Variants in SYNE2 observed in about 807,000 individuals in gnomAD.
The protein encoded by SYNE2 is nesprin-2.
In SYNE2, 431 loss-of-function variants were observed where a neutral mutation model predicts 856.3. The ratio of observed to expected loss-of-function variants is 0.50; its 90% CI spans 0.47 to 0.55. SYNE2 has a LOEUF of 0.55. SYNE2 is among the 20% of genes least tolerant of loss of function. The pLI is 0.00. For synonymous variants in SYNE2, 2,923 were observed against 2,872.3 expected, an observed-to-expected ratio of 1.02 and a Z score of -0.56; for missense variants, 8,129 against 8,023.2, an observed-to-expected ratio of 1.01 and a Z score of -0.50.
In SYNE2 at chr14:64,080,440, C is replaced by A; in HGVS notation, c.11164-16C>A. 1 of 1,613,848 alleles carries A rather than the reference C, an allele frequency of 6.2e-7. No individual in the cohort carries two copies. The highest frequency in any genetic ancestry group is 8.5e-7 in the Non-Finnish European group (1 of 1,179,838). On this transcript the variant is annotated splice_polypyrimidine_tract_variant and intron_variant, in intron 55 of 115. Transcript: ENST00000555002. ...TGACCTCTTCATTCAAGTTGACTTA[C>A]GATTTCCTTCTCCAGAAAATGTGGG...
intron 1 of SYNE2, among the ~76,000 whole-genome samples, chr14:63,771,800 G>A (rs1886923207): frequency 6.6e-6 from 1 of 152,158 alleles, no homozygotes; most frequent in Non-Finnish European, 1.5e-5. Context: ...AGGGGGCTGA[G>A]GCATGAGAAT....
chr14:64,214,313 C>T lies in SYNE2; in HGVS notation c.19176C>T (p.Ser6392=). 3 of 1,614,116 alleles carry T rather than the reference C, an allele frequency of 1.9e-6. No homozygotes were observed. The highest frequency in any genetic ancestry group is 1.1e-5 in the South Asian group (1 of 91,072). The stretch of plus-strand genomic sequence containing the variant: ...GCGAGGAACCGTCATCTCCTCAGTC[C>T]CTGTGTCATCTAGTGGCCCCAGGGC... ...GESEEPSSPQ[S]LCHLVAPGHE... is the part of the protein sequence containing the mutation. The change falls in exon 106 of 116, where the codon TCC becomes TCT. Residue 6392 remains serine, a synonymous_variant. Coordinates refer to ENST00000555002, the MANE Select transcript of SYNE2 (RefSeq NM_182914.3).
chr14:63,782,598 A>G (rs1401439448), intron 1 of SYNE2, among the ~76,000 whole-genome samples: 1 of 152,024 alleles, frequency 6.6e-6, no homozygotes, highest in African/African-American at 2.4e-5. Flanking sequence ...GAAATGGAGT[A>G]TTACCCATTG....
chr14:64,084,623 A>G (rs996083940), intron 57 of SYNE2: 5 of 240,116 alleles, frequency 2.1e-5, no homozygotes, highest in African/African-American at 1.1e-4. Context: ...TTTTGGAAAT[A>G]AGTTTGGAAA....
At chr14:63,784,021 CAACTT>C (rs1387044093) in intron 1 of SYNE2, among the ~76,000 whole-genome samples, 6 of 152,288 alleles carry the variant, frequency 3.9e-5, no homozygotes, top group Admixed American at 1.3e-4. Flanking sequence ...TACCTGGTAA[CAACTT>C]AACTTTAAGT....
intron 1 of SYNE2, among the ~76,000 whole-genome samples, chr14:63,900,477 A>C (rs1437160737): frequency 7.2e-5 from 11 of 152,132 alleles, no homozygotes; most frequent in Admixed American, 5.2e-4. Flanking sequence ...TAACCATCAG[A>C]TCTCATGAGA....
At chr14:64,071,713 C>T (rs766187817) in intron 52 of SYNE2, among the ~76,000 whole-genome samples, 2 of 152,046 alleles carry the variant, frequency 1.3e-5, no homozygotes, top group Non-Finnish European at 2.9e-5. Flanking sequence ...ATTAAATGTT[C>T]TTTTAAAATG....
Position 63,823,343 on chromosome 14 carries a change from G to A in SYNE2, c.-304-29158G>A, listed in dbSNP as rs193237238. On this transcript the variant is annotated intron_variant, in intron 1 of 23. Transcript: ENST00000674003. The stretch of plus-strand genomic sequence containing the variant: ...ACAGACATGCACCATCATGCCTAGC[G>A]CATTCGTATTTTTAGTAGAGACGGG... 9.9e-5 allele frequency among the ~76,000 whole-genome samples: 15 copies of A among 151,866 alleles called. No individual in the cohort carries two copies. The East Asian group carries it at 1.7e-3, about 18-fold the overall frequency.
chr14:64,010,228 C>A, intron 32 of SYNE2, 112 bp downstream of exon 32: 1 of 1,161,018 alleles, frequency 8.6e-7, no homozygotes, highest in Non-Finnish European at 1.2e-6. Context: ...AAAGAAGTTA[C>A]TAGTGACCCT....
In SYNE2 at chr14:64,212,829, A is replaced by G; in HGVS notation, c.18880A>G (p.Thr6294Ala). The G allele has an allele frequency of 1.9e-6, 3 of 1,614,244 alleles. No homozygotes were observed. Among genetic ancestry groups the G allele is most frequent in the Non-Finnish European group, 2.5e-6 (3 of 1,180,042 alleles). The change falls in exon 105 of 116, where the codon ACA becomes GCA. Residue 6294 changes from threonine (T) to alanine (A), a missense_variant. This residue lies in a region of SYNE2 where 5,410 missense variants were observed against 5,284.8 expected (regional missense o/e 1.02). Transcript: ENST00000555002. Reference sequence around the variant, plus strand: ...TCAACAGGGCTTCCAACAGGAAATTACATTAAATACCAACAAGATTGATCA... The same window carrying G: ...TCAACAGGGCTTCCAACAGGAAATTGCATTAAATACCAACAAGATTGATCA... The part of the protein sequence containing the change: ...RQLNGFQQEI[T>A]LNTNKIDQLI...
At chr14:63,792,621 A>T (rs1008675184) in intron 1 of SYNE2, among the ~76,000 whole-genome samples, 4 of 151,570 alleles carry the variant, frequency 2.6e-5, no homozygotes, top group Non-Finnish European at 5.9e-5. Flanking sequence ...ATTTTTTTAG[A>T]AGTTACTATT....
intron 84 of SYNE2, among the ~76,000 whole-genome samples, chr14:64,151,569 TAAA>T (rs1334880849): frequency 1.6e-5 from 1 of 60,840 alleles, no homozygotes; most frequent in African/African-American, 6.5e-5. Context: ...AAAATAAAAA[TAAA>T]AAAAGCTGGG....
chr14:63,953,054 A>T (rs555703811), intron 7 of SYNE2, among the ~76,000 whole-genome samples: 2 of 152,296 alleles, frequency 1.3e-5, no homozygotes, highest in East Asian at 3.9e-4. Context: ...GTGATATGCC[A>T]GGCATTGTTT....
At chr14:64,165,744 C>G (rs535243938) in intron 90 of SYNE2, among the ~76,000 whole-genome samples, 2 of 151,880 alleles carry the variant, frequency 1.3e-5, no homozygotes, top group African/African-American at 4.8e-5. Context: ...GAACTCTTGA[C>G]GTCAGGTGAT....
chr14:63,803,037 A>G (rs1461183193), intron 1 of SYNE2, among the ~76,000 whole-genome samples: 1 of 152,230 alleles, frequency 6.6e-6, no homozygotes, highest in Non-Finnish European at 1.5e-5. Flanking sequence ...ATAATGGCTC[A>G]GGCAGCCTGC....
chr14:63,795,764 G>C (rs1183198873), intron 1 of SYNE2, among the ~76,000 whole-genome samples: 1 of 152,158 alleles, frequency 6.6e-6, no homozygotes, highest in Non-Finnish European at 1.5e-5. Context: ...AAGTCCATCC[G>C]ATGGTGAATG....
At chr14:63,834,194 C>T (rs4902248) in intron 1 of SYNE2, among the ~76,000 whole-genome samples, 96,118 of 151,890 alleles carry the variant, frequency 0.63, 30,879 homozygotes, top group South Asian at 0.77. Context: ...ATATCTCTTT[C>T]AGAAAATTCA....
At chr14:63,922,818 C>G (rs1056976224) in intron 2 of SYNE2, among the ~76,000 whole-genome samples, 4 of 152,174 alleles carry the variant, frequency 2.6e-5, no homozygotes, top group Admixed American at 6.5e-5. Flanking sequence ...GAATCAGAAT[C>G]TCTGGGAGTT....
chr14:64,190,818 G>C (rs2098514815), intron 99 of SYNE2: 2 of 678,518 alleles, frequency 2.9e-6, no homozygotes, highest in Admixed American at 4.1e-5. Flanking sequence ...ATTGGCCAGT[G>C]CAATCTTATC....
Sources: gnomAD v4.1 joint callset for allele counts (sites outside exome capture counted in the v4.1 genomes callset) on GRCh38, gnomAD v4.1.1 for gene constraint, gnomAD v4.1.1 regional missense constraint, MANE v1.5 for transcripts, NCBI Gene and HGNC (gene_info 2026-07-23, HGNC 2026-07-21) for gene names.